The following AFF2 variants were observed in gnomAD, a reference collection of about 807,000 sequenced individuals.
The protein encoded by AFF2 is ALF transcription elongation factor 2, also known as AF4/FMR2 family member 2.
AFF2 carries 14 observed loss-of-function variants against 76.9 expected under a neutral mutation model. That is an observed-to-expected ratio of 0.18 (90% CI 0.12 to 0.28). The LOEUF (loss-of-function observed/expected upper bound fraction) is 0.28, where lower values mean the gene tolerates loss of function less well. Ranked by LOEUF, AFF2 falls within the 10% of genes least tolerant of loss-of-function variation. The pLI, the probability that AFF2 is intolerant of heterozygous loss-of-function variation, is 1.00. For missense variants in AFF2, 868 were observed against 1,001.1 expected (o/e 0.87, Z 1.79); for synonymous variants, 398 against 366.7 (o/e 1.09, Z -0.98).
intron 4 of AFF2, among the ~76,000 whole-genome samples, chrX:148,835,957 AT>A (rs782392343): frequency 2.4e-4 from 27 of 111,942 alleles, no homozygotes; most frequent in Non-Finnish European, 4.3e-4. Flanking sequence ...ATCCCAAGCT[AT>A]ATATTTTAAA....
chrX:148,615,868 T>C (rs782778475), intron 1 of AFF2, among the ~76,000 whole-genome samples: 1 of 111,436 alleles, frequency 9.0e-6, no homozygotes, highest in Admixed American at 9.5e-5. Context: ...ATTCACCCAA[T>C]CATGGAGATT....
chrX:148,953,652 G>A lies in AFF2; in HGVS notation c.1470G>A (p.Ser490=), dbSNP rs202072020. Residue 490 remains serine, a synonymous_variant, in exon 10 of 21, where the codon TCG becomes TCA. Transcript: ENST00000370460. ...ASGGSGSSSE[S]ESSSESDSDT... ...GGGGTTCTGGCAGCTCCAGCGAATC[G>A]GAGAGCAGCTCTGAGTCGGATTCAG... The A allele has an allele frequency of 3.3e-5, 40 of 1,209,614 alleles. No homozygotes were observed. The highest frequency in any genetic ancestry group is 4.6e-4 in the Middle Eastern group (2 of 4,352).
chrX:148,510,386 A>G (rs1389646147), intron 1 of AFF2, among the ~76,000 whole-genome samples: 2 of 111,889 alleles, frequency 1.8e-5, no homozygotes, highest in South Asian at 3.8e-4. Context: ...GCCCAAGGCC[A>G]TACTGGTAGT....
intron 7 of AFF2, among the ~76,000 whole-genome samples, chrX:148,851,735 C>T (rs1349331262): frequency 8.1e-5 from 9 of 111,484 alleles, no homozygotes; most frequent in South Asian, 7.5e-4. Flanking sequence ...TAGAATATTT[C>T]TTCTTTTTTT....
intron 1 of AFF2, among the ~76,000 whole-genome samples, chrX:148,506,412 G>T (rs1190688807): frequency 1.8e-5 from 2 of 111,598 alleles, no homozygotes; most frequent in Non-Finnish European, 3.8e-5. Flanking sequence ...GGATTGGATT[G>T]TGTATATTGT....
intron 3 of AFF2, among the ~76,000 whole-genome samples, chrX:148,785,587 G>A (rs1557269455): frequency 9.0e-6 from 1 of 111,500 alleles, no homozygotes; most frequent in African/African-American, 3.3e-5. Context: ...TCATGCTGTG[G>A]AAGGTATGCT....
intron 1 of AFF2, among the ~76,000 whole-genome samples, chrX:148,612,053 C>A (rs1456294837): frequency 1.8e-5 from 2 of 111,590 alleles, no homozygotes; most frequent in Non-Finnish European, 3.8e-5. Flanking sequence ...GCACTTCATG[C>A]CATTTAAATT....
At chrX:148,648,181 C>A (rs1433194483) in intron 1 of AFF2, among the ~76,000 whole-genome samples, 2 of 111,582 alleles carry the variant, frequency 1.8e-5, no homozygotes, top group East Asian at 5.6e-4. Context: ...TTTTGGAGGG[C>A]CTTAGTTTCC....
rs189086020 is a variant in AFF2 at position 148,683,199 on chromosome X, T to G, written c.1041+20431T>G. Reference sequence around the variant, plus strand: ...GGAGAAGTAATCTTTGCTTTTTACTTTCTTTAAAAGGCTGTGTGACTATGT... The same window carrying G: ...GGAGAAGTAATCTTTGCTTTTTACTGTCTTTAAAAGGCTGTGTGACTATGT... On this transcript the variant is annotated intron_variant, in intron 3 of 20. Coordinates refer to ENST00000370460, the MANE Select transcript of AFF2 (RefSeq NM_002025.4). 6.2e-3 allele frequency among the ~76,000 whole-genome samples: 699 copies of G among 111,900 alleles called. 6 individuals are homozygous for G. The highest frequency in any genetic ancestry group is 0.022 in the African/African-American group (667 of 30,780).
chrX:148,841,292 CAG>C (rs1458852964), intron 5 of AFF2, among the ~76,000 whole-genome samples: 1 of 111,746 alleles, frequency 8.9e-6, no homozygotes, highest in Non-Finnish European at 1.9e-5. Flanking sequence ...TATATAGTTA[CAG>C]AGATATACAT....
intron 3 of AFF2, among the ~76,000 whole-genome samples, chrX:148,695,457 C>T (rs1557261194): frequency 8.9e-6 from 1 of 112,095 alleles, no homozygotes; most frequent in Non-Finnish European, 1.9e-5. Context: ...GAAATTTAGG[C>T]CACAACAGCT....
Position 148,962,717 on chromosome X carries a change from A to G in AFF2, c.2693A>G (p.Asn898Ser), listed in dbSNP as rs1457915913. 8.3e-7 allele frequency: 1 copy of G among 1,201,670 alleles called. No homozygotes were observed. The highest frequency in any genetic ancestry group is 1.1e-6 in the Non-Finnish European group (1 of 888,119). The change falls in exon 13 of 21, where the codon AAT becomes AGT. Residue 898 changes from asparagine to serine, a missense_variant and splice_region_variant. By Grantham distance (46) the Asn-to-Ser change is conservative. Coordinates refer to ENST00000370460, the MANE Select transcript of AFF2 (RefSeq NM_002025.4). ...PPHKPPNTRE[N>S]NSSRRANRRK... is the part of the protein sequence containing the mutation. ...CCTACACTTCTTGTTTTTCACAGAA[A>G]TAATTCATCCAGGAGAGCAAATAGA...
At chrX:148,530,049 T>C (rs1557235664) in intron 1 of AFF2, among the ~76,000 whole-genome samples, 2 of 111,159 alleles carry the variant, frequency 1.8e-5, no homozygotes, top group African/African-American at 6.6e-5. Flanking sequence ...GTTGTGCTTA[T>C]CAGACAGGTT....
intron 2 of AFF2, among the ~76,000 whole-genome samples, chrX:148,653,885 T>C (rs1557256710): frequency 9.0e-6 from 1 of 111,397 alleles, no homozygotes; most frequent in African/African-American, 3.3e-5. Context: ...TAATTTAGTT[T>C]TGAGTGCGTT....
intron 7 of AFF2, among the ~76,000 whole-genome samples, chrX:148,869,489 C>G (rs1158259129): frequency 3.6e-5 from 4 of 112,283 alleles, no homozygotes; most frequent in African/African-American, 1.3e-4. Context: ...ATGGTGAGCT[C>G]AGTTTTAGCT....
intron 3 of AFF2, among the ~76,000 whole-genome samples, chrX:148,766,886 A>G (rs1334841002): frequency 8.9e-6 from 1 of 111,990 alleles, no homozygotes; most frequent in Non-Finnish European, 1.9e-5. Flanking sequence ...AAGAAACATC[A>G]AAGTGTGGAT....
Position 148,926,045 on chromosome X carries a change from C to T in AFF2, c.1397+21787C>T, listed in dbSNP as rs189481468. ...AATGAGATTCTATGTGTACAAAAAT[C>T]CCTGGCATATGGTAAGTGCTGGATA... is the stretch of plus-strand genomic sequence containing the variant. On this transcript the variant is annotated intron_variant, in intron 9 of 20. Transcript: ENST00000370460. 6.2e-5 allele frequency among the ~76,000 whole-genome samples: 7 copies of T among 112,077 alleles called. No homozygotes were observed. In the East Asian group the frequency reaches 2.0e-3, roughly 32 times the overall value.
At chrX:148,637,587 G>A (rs1404697692) in intron 1 of AFF2, among the ~76,000 whole-genome samples, 1 of 112,223 alleles carries the variant, frequency 8.9e-6, no homozygotes, top group Non-Finnish European at 1.9e-5. Flanking sequence ...TTGAATTGCA[G>A]CCATATTAAA....
intron 8 of AFF2, among the ~76,000 whole-genome samples, chrX:148,895,584 TG>T (rs2071274601): frequency 9.3e-6 from 1 of 107,679 alleles, no homozygotes; most frequent in Non-Finnish European, 1.9e-5. Flanking sequence ...TGTGTGTGTG[TG>T]TGTGTGTGTG....
Sources: allele counts gnomAD v4.1 joint callset (sites outside exome capture counted in the v4.1 genomes callset), GRCh38; gene constraint gnomAD v4.1.1; transcripts MANE v1.5; gene names NCBI Gene and HGNC (gene_info 2026-07-23, HGNC 2026-07-21).